ATP5MC2: variants seen among roughly 807,000 people sequenced by gnomAD.
ATP5MC2 encodes the protein ATP synthase F(0) complex subunit C2, mitochondrial.
ATP5MC2 carries 11 observed loss-of-function variants against 13.5 expected under a neutral mutation model. That is an observed-to-expected ratio of 0.81 (90% CI 0.51 to 1.35). The LOEUF is 1.35. Among genes scored for constraint, ATP5MC2 ranks in the 40% most tolerant of loss-of-function variants. ATP5MC2 has a pLI of 0.00. For missense variants in ATP5MC2, 132 were observed against 175.0 expected, an observed-to-expected ratio of 0.75 and a Z score of 1.39; for synonymous variants, 64 against 69.7, an observed-to-expected ratio of 0.92 and a Z score of 0.41.
At chr12:53,672,083 C>CAAAAAAAAAAAAA (rs916010110) in intron 2 of ATP5MC2, among the ~76,000 whole-genome samples, 23 of 47,168 alleles carry the variant, frequency 4.9e-4, no homozygotes, top group African/African-American at 1.2e-3. Context: ...AACTCTGTCT[C>CAAAAAAAAAAAAA]AAAAAAAAAA....
At chr12:53,677,654 G>A (rs1443588881), upstream of ATP5MC2, among the ~76,000 whole-genome samples, 2 of 152,182 alleles carry the variant, frequency 1.3e-5, no homozygotes, top group Non-Finnish European at 2.9e-5. Context: ...AGCTCCATCA[G>A]GATTCTCACA....
At chr12:53,666,909 G>T (rs1182212489) in intron 4 of ATP5MC2, among the ~76,000 whole-genome samples, 1 of 144,584 alleles carries the variant, frequency 6.9e-6, no homozygotes, top group East Asian at 2.0e-4. Context: ...TTGTGCCACT[G>T]CACTTCAGTC....
rs201383280 is a variant in ATP5MC2, at chr12:53,669,978, G to C, written c.40-30C>G. 5.6e-6 allele frequency: 9 copies of C among 1,607,924 alleles called. No homozygotes were observed. The East Asian group carries it at 2.0e-4, about 36-fold the overall frequency. On this transcript the variant is annotated intron_variant, in intron 2 of 4. Coordinates refer to ENST00000394349, the MANE Select transcript of ATP5MC2 (RefSeq NM_005176.7). Reference sequence around the variant, plus strand: ...CAGGAATGACATACAGGGGCAGGAAGGTCAAGGAAGACTGGAGAGGAGTTT... The same window carrying C: ...CAGGAATGACATACAGGGGCAGGAACGTCAAGGAAGACTGGAGAGGAGTTT...
chr12:53,680,394 T>G (rs138971033), upstream of ATP5MC2, among the ~76,000 whole-genome samples: 238 of 152,306 alleles, frequency 1.6e-3, 2 homozygotes, highest in African/African-American at 5.3e-3. Context: ...AAATTTAAAA[T>G]CAGTAAGAAA....
At chr12:53,676,162 T>C, upstream of ATP5MC2, 1 of 1,613,860 alleles carries the variant, frequency 6.2e-7, no homozygotes, top group Admixed American at 1.7e-5. Flanking sequence ...ACGGATAGAG[T>C]GATTGCAACA....
chr12:53,676,335 T>C (rs766780408), upstream of ATP5MC2: 4 of 1,284,992 alleles, frequency 3.1e-6, no homozygotes, highest in Non-Finnish European at 3.2e-6. Context: ...GACTGCGGTT[T>C]GGTCTGTACC....
At chr12:53,666,082 C>A (rs768446757) in intron 4 of ATP5MC2, among the ~76,000 whole-genome samples, 3 of 151,762 alleles carry the variant, frequency 2.0e-5, no homozygotes, top group Non-Finnish European at 2.9e-5. Context: ...CCAAAGCAGG[C>A]GGATCACTTG....
At chr12:53,679,279 G>C (rs1032320178), upstream of ATP5MC2, among the ~76,000 whole-genome samples, 25 of 135,362 alleles carry the variant, frequency 1.8e-4, no homozygotes, top group Non-Finnish European at 2.8e-4. Context: ...GAGAGAGAGA[G>C]ACCAGGGCAC....
At chr12:53,668,463 C>T (rs2138022578) in intron 4 of ATP5MC2, among the ~76,000 whole-genome samples, 1 of 151,658 alleles carries the variant, frequency 6.6e-6, no homozygotes, top group African/African-American at 2.4e-5. Flanking sequence ...GCCCCCCTTA[C>T]CCAGGTAATT....
chr12:53,667,950 CACACACATATATATATATATATAT>C (rs1490373276), intron 4 of ATP5MC2, among the ~76,000 whole-genome samples: 4 of 37,280 alleles, frequency 1.1e-4, no homozygotes, highest in Admixed American at 3.4e-4. Flanking sequence ...TACATACATA[CACACACATATATATATATATATAT>C]ATATATATAT....
chr12:53,672,118 C>G (rs1050319505), intron 2 of ATP5MC2, among the ~76,000 whole-genome samples: 8 of 121,202 alleles, frequency 6.6e-5, no homozygotes, highest in Non-Finnish European at 8.8e-5. Context: ...AACTGGCCGC[C>G]AAGGGATATG....
At chr12:53,676,169 A>G (rs528365187), upstream of ATP5MC2, 9 of 1,614,112 alleles carry the variant, frequency 5.6e-6, no homozygotes, top group South Asian at 1.1e-5. Context: ...GAGTGATTGC[A>G]ACATACAGGA....
Position 53,669,294 on chromosome 12 carries a change from A to G in ATP5MC2, c.165T>C (p.Ser55=). The part of the protein sequence containing the change: ...AVSCPLTSLV[S]SRSFQTSAIS... The stretch of plus-strand genomic sequence containing the variant: ...TGGCGCTGGTTTGGAAGCTGCGGCT[A>G]GAGACAAGTGAGGTAAGGGGACATG... The change falls in exon 4 of 5, where the codon TCT becomes TCC. Residue 55 remains serine, a synonymous_variant. Coordinates refer to ENST00000394349, the MANE Select transcript of ATP5MC2 (RefSeq NM_005176.7). 1 of 1,614,126 alleles carries G rather than the reference A, an allele frequency of 6.2e-7. No individual in the cohort carries two copies. Among genetic ancestry groups the G allele is most frequent in the South Asian group, 1.1e-5 (1 of 91,068 alleles).
At chr12:53,671,275 G>A (rs1275569029) in intron 2 of ATP5MC2, among the ~76,000 whole-genome samples, 1 of 152,180 alleles carries the variant, frequency 6.6e-6, no homozygotes, top group Non-Finnish European at 1.5e-5. Context: ...TTCTAAGCCT[G>A]TATTCTCATT....
rs775761357 is a variant in ATP5MC2, at chr12:53,676,040, C to A, written c.-32+13G>T. On this transcript the variant is annotated intron_variant, in intron 1 of 4. Coordinates refer to ENST00000394349, the MANE Select transcript of ATP5MC2 (RefSeq NM_005176.7). ...GCGCAGCGCACAGAGGGCTCTAGGT[C>A]CCAAGGCCTTACCTGCTCCCACTGC... The A allele has an allele frequency of 3.7e-6, 6 of 1,612,704 alleles. No individual in the cohort carries two copies. In the South Asian group the frequency reaches 6.6e-5, roughly 18 times the overall value.
At chr12:53,672,083 CAAAAAA>C (rs916010110) in intron 2 of ATP5MC2, among the ~76,000 whole-genome samples, 18 of 47,180 alleles carry the variant, frequency 3.8e-4, no homozygotes, top group Non-Finnish European at 5.7e-4. Context: ...AACTCTGTCT[CAAAAAA>C]AAAAAAAAAA....
intron 4 of ATP5MC2, among the ~76,000 whole-genome samples, chr12:53,666,494 G>A (rs974799937): frequency 4.6e-5 from 7 of 151,280 alleles, no homozygotes; most frequent in African/African-American, 9.7e-5. Flanking sequence ...GGAGAACGGC[G>A]TGAACCCGGG....
intron 4 of ATP5MC2, among the ~76,000 whole-genome samples, chr12:53,666,877 C>CA (rs1215478888): frequency 6.8e-6 from 1 of 147,852 alleles, no homozygotes; most frequent in African/African-American, 2.5e-5. Flanking sequence ...ACCCGGGAGG[C>CA]AGAGATTGCA....
intron 1 of ATP5MC2, 143 bp from the exon 2 acceptor site, chr12:53,672,788 C>T (rs1420786887): frequency 8.4e-6 from 6 of 715,816 alleles, no homozygotes; most frequent in Non-Finnish European, 1.1e-5. Context: ...AATTAAAACC[C>T]TGAAGTCATG....
Sources: allele counts gnomAD v4.1 joint callset (sites outside exome capture counted in the v4.1 genomes callset), GRCh38; gene constraint gnomAD v4.1.1; transcripts MANE v1.5; gene names NCBI Gene and HGNC (gene_info 2026-07-23, HGNC 2026-07-21).